Variants in PITRM1 observed in about 807,000 individuals in gnomAD.
The protein encoded by PITRM1 is pitrilysin metallopeptidase 1.
In PITRM1, 100 loss-of-function variants were observed where a neutral mutation model predicts 129.9. That is an observed-to-expected ratio of 0.77 (90% CI 0.65 to 0.91). The LOEUF (loss-of-function observed/expected upper bound fraction) is 0.91, where lower values mean the gene tolerates loss of function less well. Ranked by LOEUF, PITRM1 falls within the 40% of genes least tolerant of loss-of-function variation. The pLI is 0.00. For synonymous variants in PITRM1, 591 were observed against 508.8 expected, an observed-to-expected ratio of 1.16 and a Z score of -2.17; for missense variants, 1,471 against 1,318.3, an observed-to-expected ratio of 1.12 and a Z score of -1.79.
At chr10:3,161,081 A>G (rs1442585600) in intron 7 of PITRM1, among the ~76,000 whole-genome samples, 1 of 152,010 alleles carries the variant, frequency 6.6e-6, no homozygotes, top group Non-Finnish European at 1.5e-5. Flanking sequence ...TAAGTTTTAG[A>G]GGTGGGTTCT....
chr10:3,167,103 A>G (rs1588719031), intron 2 of PITRM1, 61 bp from the exon 3 acceptor site: 1 of 951,292 alleles, frequency 1.1e-6, no homozygotes, highest in Non-Finnish European at 1.6e-6. Flanking sequence ...TGAAATGGTT[A>G]TGTTCGACAC....
chr10:3,168,322 G>T (rs1303421169), intron 2 of PITRM1, among the ~76,000 whole-genome samples: 2 of 152,220 alleles, frequency 1.3e-5, no homozygotes, highest in Non-Finnish European at 2.9e-5. Context: ...GAAGTCAGCA[G>T]ATACAGTGAG....
At chr10:3,151,606 T>C (rs1841524264) in intron 14 of PITRM1, among the ~76,000 whole-genome samples, 1 of 152,218 alleles carries the variant, frequency 6.6e-6, no homozygotes, top group Admixed American at 6.5e-5. Flanking sequence ...TAAGGAATTC[T>C]GCTAGGAAGT....
chr10:3,150,436 C>A (rs946726371), intron 15 of PITRM1, among the ~76,000 whole-genome samples: 7 of 152,112 alleles, frequency 4.6e-5, no homozygotes, highest in Non-Finnish European at 8.8e-5. Context: ...AAATGAGATA[C>A]AAACATGACA....
At chr10:3,141,719 T>G (rs1389310538) in intron 23 of PITRM1, 9 of 465,592 alleles carry the variant, frequency 1.9e-5, no homozygotes, top group South Asian at 9.4e-5. Context: ...GGTCGCCGCT[T>G]CCACAGACAG....
intron 14 of PITRM1, among the ~76,000 whole-genome samples, chr10:3,154,808 C>T (rs978966324): frequency 5.3e-5 from 8 of 152,106 alleles, no homozygotes; most frequent in African/African-American, 7.2e-5. Context: ...CCTTCTCTCC[C>T]GTGGCCTCCT....
intron 12 of PITRM1, 45 bp from the exon 13 acceptor site, chr10:3,157,109 T>C: frequency 1.3e-6 from 2 of 1,567,658 alleles, no homozygotes; most frequent in South Asian, 1.2e-5. Context: ...GGTACCACAG[T>C]ACAACCTCCA....
rs765413663 is a variant in PITRM1 at position 3,158,088 on chromosome 10, A to C, written c.1202T>G (p.Ile401Ser). 6.2e-7 allele frequency: 1 copy of C among 1,612,054 alleles called. No individual in the cohort carries two copies. ...VGLQGIAEKDIETVRSLIDRT... is the reference protein window; with the variant it reads ...VGLQGIAEKDSETVRSLIDRT... ...GTCTATGAGGCTTCTGACGGTCTCA[A>C]TGTCTTTCTCCGCAATCCCTTGGAG... The change falls in exon 11 of 27, where the codon ATT (isoleucine) becomes AGT (serine). Residue 401 changes from isoleucine to serine, a missense_variant. By Grantham distance (142) the Ile-to-Ser change is moderately radical. Coordinates refer to ENST00000224949, the MANE Select transcript of PITRM1 (RefSeq NM_014889.4).
At chr10:3,140,050 C>T (rs1291588019) in intron 24 of PITRM1, among the ~76,000 whole-genome samples, 1 of 152,232 alleles carries the variant, frequency 6.6e-6, no homozygotes, top group African/African-American at 2.4e-5. Context: ...GCTGCAACCT[C>T]AGACAGCCAC....
intron 2 of PITRM1, among the ~76,000 whole-genome samples, chr10:3,169,856 G>A (rs1422902594): frequency 6.6e-6 from 1 of 152,210 alleles, no homozygotes; most frequent in Non-Finnish European, 1.5e-5. Flanking sequence ...CAGAGACCCA[G>A]CTGGAAGTGT....
chr10:3,156,889 C>T, intron 13 of PITRM1, 41 bp downstream of exon 13: 2 of 1,350,288 alleles, frequency 1.5e-6, no homozygotes. Flanking sequence ...GTATAAAATT[C>T]AACTTCAAAA....
chr10:3,143,391 G>A lies in PITRM1; in HGVS notation c.2643C>T (p.Ala881=), dbSNP rs1049705300. ...RTVPYTDPDH[A]SLKILARLMT... ...GGTCCCGACCTACACCCTCCTACCTGGCATGATCTGGGTCCGTGTAGGGGA... is the reference window on the plus strand; with the variant it reads ...GGTCCCGACCTACACCCTCCTACCTAGCATGATCTGGGTCCGTGTAGGGGA... Residue 881 remains alanine (A), a splice_region_variant and synonymous_variant, in exon 23 of 27, where the codon GCC becomes GCT. Coordinates refer to ENST00000224949, the MANE Select transcript of PITRM1 (RefSeq NM_014889.4). 7 of 1,595,760 alleles carry A rather than the reference G, an allele frequency of 4.4e-6. No homozygotes were observed. The highest frequency in any genetic ancestry group is 5.2e-6 in the Non-Finnish European group (6 of 1,163,296).
chr10:3,160,546 T>C (rs937112894), intron 7 of PITRM1, among the ~76,000 whole-genome samples: 2 of 152,058 alleles, frequency 1.3e-5, no homozygotes, highest in Non-Finnish European at 2.9e-5. Context: ...TTATAATTGT[T>C]CTATTTTATT....
At position 3,147,657 on chromosome 10, in the gene PITRM1, G is replaced by C; in HGVS notation, c.2150C>G (p.Ser717Cys). 1.2e-6 allele frequency: 2 copies of C among 1,613,856 alleles called. No individual in the cohort carries two copies. Among genetic ancestry groups the C allele is most frequent in the Non-Finnish European group, 8.5e-7 (1 of 1,179,842 alleles). Reference sequence around the variant, plus strand: ...CCTGATGGATGCGTACAGGTGCCCAGAGTCAGGAATTCCATTGGCGAGCTC... The same window carrying C: ...CCTGATGGATGCGTACAGGTGCCCACAGTCAGGAATTCCATTGGCGAGCTC... ...AQELANGIPD[S>C]GHLYASIRAG... Residue 717 changes from serine to cysteine, a missense_variant, in exon 19 of 27, where the codon TCT (serine) becomes TGT (cysteine). Transcript: ENST00000224949.
At chr10:3,155,333 A>G (rs915341349) in intron 14 of PITRM1, among the ~76,000 whole-genome samples, 1 of 152,250 alleles carries the variant, frequency 6.6e-6, no homozygotes, top group African/African-American at 2.4e-5. Flanking sequence ...GGCACCTGAT[A>G]AAAGTATTTA....
chr10:3,138,210 G>T, intron 26 of PITRM1, 25 bp downstream of exon 26: 1 of 1,594,358 alleles, frequency 6.3e-7, no homozygotes, highest in Non-Finnish European at 8.6e-7. Flanking sequence ...AGTCCCAGAC[G>T]CTGTCTCCCC....
chr10:3,148,665 T>G (rs1033143842), intron 16 of PITRM1: 2 of 173,142 alleles, frequency 1.2e-5, no homozygotes, highest in African/African-American at 2.4e-5. Flanking sequence ...GATACATACT[T>G]CCTTTGTTTT....
chr10:3,147,519 T>A, intron 19 of PITRM1, 53 bp downstream of exon 19: 1 of 1,551,224 alleles, frequency 6.4e-7, no homozygotes, highest in Non-Finnish European at 8.9e-7. Flanking sequence ...AATTAGTAAC[T>A]CTGGAATATG....
rs1400410179 is a variant in PITRM1, at chr10:3,149,773, T to G, written c.1739-20A>C. On this transcript the variant is annotated intron_variant, in intron 15 of 26. Coordinates refer to ENST00000224949, the MANE Select transcript of PITRM1 (RefSeq NM_014889.4). ...CTCCAGCTAGAAAAACAAAAGGGAT[T>G]TAATTTTTATTGCTGCCAGTAAAAT... 1 of 1,613,004 alleles carries G rather than the reference T, an allele frequency of 6.2e-7. No individual in the cohort carries two copies. The highest frequency in any genetic ancestry group is 1.1e-5 in the South Asian group (1 of 90,976).
Sources: gnomAD v4.1 joint callset for allele counts (sites outside exome capture counted in the v4.1 genomes callset) on GRCh38, gnomAD v4.1.1 for gene constraint, MANE v1.5 for transcripts, NCBI Gene and HGNC (gene_info 2026-07-23, HGNC 2026-07-21) for gene names.